FAM185A: variants seen among roughly 807,000 people sequenced by gnomAD.
The protein encoded by FAM185A is protein FAM185A.
A neutral mutation model predicts 45.7 loss-of-function variants in FAM185A; 21 were observed. The observed-to-expected ratio is 0.46, with a 90% CI of 0.33 to 0.66. FAM185A has a LOEUF of 0.66. FAM185A is among the 30% of genes least tolerant of loss of function. The probability of loss-of-function intolerance (pLI) is 0.03; values close to 1 mark genes in which losing one functional copy is unlikely to be tolerated. For synonymous variants in FAM185A, 117 were observed against 194.0 expected (o/e 0.60, Z 3.30); for missense variants, 305 against 485.4 (o/e 0.63, Z 3.49).
At chr7:102,810,373 C>T (rs1797361206), downstream of FAM185A, among the ~76,000 whole-genome samples, 1 of 151,924 alleles carries the variant, frequency 6.6e-6, no homozygotes, top group South Asian at 2.1e-4. Context: ...GCTAGCATTA[C>T]AGGTGCACGC....
At chr7:102,809,891 A>G (rs2129444255), downstream of FAM185A, among the ~76,000 whole-genome samples, 1 of 152,116 alleles carries the variant, frequency 6.6e-6, no homozygotes, top group East Asian at 1.9e-4. Flanking sequence ...TGTTACCACC[A>G]CCTTCTTGGT....
the FAM185A span, among the ~76,000 whole-genome samples, chr7:102,825,392 A>G: frequency 5.9e-5 from 9 of 152,322 alleles, no homozygotes; most frequent in African/African-American, 1.7e-4. Context: ...CTCCCTTGCC[A>G]TGCGATTCCC....
chr7:102,779,993 A>C (rs1253642937), intron 6 of FAM185A, among the ~76,000 whole-genome samples: 1 of 151,778 alleles, frequency 6.6e-6, no homozygotes, highest in Non-Finnish European at 1.5e-5. Context: ...TTACAGCCAC[A>C]AGCCACTGTG....
At chr7:102,843,731 G>A in the FAM185A span, among the ~76,000 whole-genome samples, 5 of 152,088 alleles carry the variant, frequency 3.3e-5, no homozygotes, top group African/African-American at 9.7e-5. Flanking sequence ...AGCCAAGATC[G>A]CGCCACTGCA....
At chr7:102,824,504 T>C in the FAM185A span, among the ~76,000 whole-genome samples, 4 of 151,964 alleles carry the variant, frequency 2.6e-5, no homozygotes, top group Non-Finnish European at 5.9e-5. Context: ...TTTTTCTTTC[T>C]TTTTTTTATT....
chr7:102,772,953 C>T (rs192292367), intron 5 of FAM185A, among the ~76,000 whole-genome samples: 1 of 151,486 alleles, frequency 6.6e-6, no homozygotes, highest in Non-Finnish European at 1.5e-5. Flanking sequence ...TTCTCTGAGC[C>T]CTGGGAAGAA....
At chr7:102,829,068 C>T in the FAM185A span, among the ~76,000 whole-genome samples, 1 of 152,200 alleles carries the variant, frequency 6.6e-6, no homozygotes, top group Non-Finnish European at 1.5e-5. Flanking sequence ...GGACATCTTT[C>T]CGTGCTTCAG....
At chr7:102,795,407 CT>C (rs1796387343) in intron 7 of FAM185A, among the ~76,000 whole-genome samples, 1 of 152,030 alleles carries the variant, frequency 6.6e-6, no homozygotes, top group Non-Finnish European at 1.5e-5. Context: ...ATGAAGTCTT[CT>C]GGGCAGGATG....
chr7:102,755,174 A>G (rs1015400889), intron 2 of FAM185A: 9 of 377,634 alleles, frequency 2.4e-5, no homozygotes, highest in Non-Finnish European at 3.7e-5. Flanking sequence ...GCCAAGGGGA[A>G]GAAGTTGGCT....
At chr7:102,756,287 C>G (rs908843270) in intron 2 of FAM185A, among the ~76,000 whole-genome samples, 2 of 151,904 alleles carry the variant, frequency 1.3e-5, no homozygotes, top group African/African-American at 4.8e-5. Flanking sequence ...CATCTGGGCT[C>G]AAGTGATCCA....
intron 2 of FAM185A, among the ~76,000 whole-genome samples, chr7:102,752,006 A>C (rs2129431599): frequency 6.6e-6 from 1 of 151,866 alleles, no homozygotes; most frequent in Non-Finnish European, 1.5e-5. Flanking sequence ...TTTGCCTCAA[A>C]TTTCTTTTGG....
intron 4 of FAM185A, among the ~76,000 whole-genome samples, chr7:102,770,188 G>A (rs1033707428): frequency 4.0e-5 from 6 of 151,514 alleles, no homozygotes; most frequent in African/African-American, 7.3e-5. Context: ...GCACTCTGTG[G>A]TTCTACCACA....
At chr7:102,799,268 G>C (rs1796629164) in intron 7 of FAM185A, among the ~76,000 whole-genome samples, 2 of 152,042 alleles carry the variant, frequency 1.3e-5, no homozygotes, top group Admixed American at 6.5e-5. Context: ...AATTAAAATG[G>C]GGTTGTGATA....
chr7:102,836,201 A>T, the FAM185A span, among the ~76,000 whole-genome samples: 21 of 152,334 alleles, frequency 1.4e-4, no homozygotes, highest in African/African-American at 5.1e-4. Flanking sequence ...TTTAAAACTA[A>T]CTTAAAAATG....
the FAM185A span, among the ~76,000 whole-genome samples, chr7:102,849,341 T>A: frequency 6.6e-6 from 1 of 152,188 alleles, no homozygotes; most frequent in Non-Finnish European, 1.5e-5. Context: ...AGTCAATACA[T>A]CTGAGGCTCC....
At chr7:102,752,193 G>A (rs1793403532) in intron 2 of FAM185A, among the ~76,000 whole-genome samples, 1 of 151,908 alleles carries the variant, frequency 6.6e-6, no homozygotes, top group Non-Finnish European at 1.5e-5. Context: ...CATTTTTAAT[G>A]TACCAGGTAG....
downstream of FAM185A, among the ~76,000 whole-genome samples, chr7:102,810,309 C>T (rs148411206): frequency 0.013 from 1,962 of 149,958 alleles, 47 homozygotes; most frequent in African/African-American, 0.045. Flanking sequence ...CTTGGCTCAC[C>T]GCAACCTCTG....
At chr7:102,799,563 T>C (rs1433856875) in intron 7 of FAM185A, among the ~76,000 whole-genome samples, 5 of 152,236 alleles carry the variant, frequency 3.3e-5, no homozygotes, top group African/African-American at 1.2e-4. Flanking sequence ...TTCTGTATTT[T>C]GTGTGCTTGG....
chr7:102,838,849 T>C, the FAM185A span, among the ~76,000 whole-genome samples: 5 of 152,066 alleles, frequency 3.3e-5, no homozygotes, highest in Non-Finnish European at 7.4e-5. Context: ...TTGTCCAAGG[T>C]TTCTCCCCAT....
Sources: gnomAD v4.1 joint callset for allele counts (sites outside exome capture counted in the v4.1 genomes callset) on GRCh38, gnomAD v4.1.1 for gene constraint, MANE v1.5 for transcripts, NCBI Gene and HGNC (gene_info 2026-07-23, HGNC 2026-07-21) for gene names.